The following NALCN variants were observed in gnomAD, a reference collection of about 807,000 sequenced individuals.
NALCN encodes sodium leak channel NALCN.
A neutral mutation model predicts 225.3 loss-of-function variants in NALCN; 111 were observed. The ratio of observed to expected loss-of-function variants is 0.49; its 90% confidence interval spans 0.42 to 0.58. The LOEUF (loss-of-function observed/expected upper bound fraction) is 0.58, where lower values mean the gene tolerates loss of function less well. NALCN is among the 20% of genes least tolerant of loss of function. NALCN has a pLI of 0.00. For missense variants in NALCN, 1,378 were observed against 2,202.4 expected, an observed-to-expected ratio of 0.63 and a Z score of 7.49; for synonymous variants, 764 against 769.0, an observed-to-expected ratio of 0.99 and a Z score of 0.11.
intron 17 of NALCN, among the ~76,000 whole-genome samples, chr13:101,136,072 AT>A (rs1382011494): frequency 1.3e-5 from 2 of 152,240 alleles, no homozygotes. Context: ...TGCAAAAATA[AT>A]CATTGAGAGG....
chr13:101,280,268 G>C (rs2043122938), intron 10 of NALCN, among the ~76,000 whole-genome samples: 1 of 152,090 alleles, frequency 6.6e-6, no homozygotes, highest in African/African-American at 2.4e-5. Context: ...TGAATTACCT[G>C]ACCCCTTTCC....
At chr13:101,313,209 G>A (rs992358574) in intron 7 of NALCN, among the ~76,000 whole-genome samples, 1 of 151,994 alleles carries the variant, frequency 6.6e-6, no homozygotes, top group African/African-American at 2.4e-5. Context: ...TTACGTGTTA[G>A]ACCTAAAACC....
At position 101,057,684 on chromosome 13, in the gene NALCN, T is replaced by G. The variant is rs1182479646; in HGVS notation, c.5023+255A>C. On this transcript the variant is annotated intron_variant, in intron 43 of 43. Transcript: ENST00000251127. ...TTTCTCCCTCTTGCTGAATCTTGTC[T>G]TTTTCATAGGTGCTGGCTTCTCAAC... 6 of 482,944 alleles carry G rather than the reference T, an allele frequency of 1.2e-5. No individual in the cohort carries two copies. The Admixed American group carries it at 1.8e-4, about 14-fold the overall frequency. The allele number at this position is 482,944 out of a possible 1,614,324, so 29.9% of individuals were successfully genotyped here.
At chr13:101,261,653 T>G (rs2042431726) in intron 10 of NALCN, among the ~76,000 whole-genome samples, 1 of 152,236 alleles carries the variant, frequency 6.6e-6, no homozygotes, top group South Asian at 2.1e-4. Flanking sequence ...CACTGTTTGC[T>G]GTTGGCTTAT....
chr13:101,356,884 ATACACAAAT>A (rs1380502405), intron 6 of NALCN, among the ~76,000 whole-genome samples: 9 of 152,238 alleles, frequency 5.9e-5, no homozygotes, highest in Admixed American at 4.6e-4. Context: ...CTGGTTCAGC[ATACACAAAT>A]CAATAAACGT....
chr13:101,094,971 G>A (rs1225912819), intron 28 of NALCN, among the ~76,000 whole-genome samples: 5 of 152,196 alleles, frequency 3.3e-5, no homozygotes, highest in African/African-American at 1.2e-4. Context: ...GACACAGACT[G>A]AGAGATTCAC....
At chr13:101,120,470 CA>C (rs1422584508) in intron 18 of NALCN, among the ~76,000 whole-genome samples, 1 of 149,326 alleles carries the variant, frequency 6.7e-6, no homozygotes, top group Non-Finnish European at 1.5e-5. Context: ...AGTTGGTATT[CA>C]TTAGGATTTT....
intron 18 of NALCN, among the ~76,000 whole-genome samples, chr13:101,122,851 T>C (rs1030749350): frequency 3.3e-5 from 5 of 152,178 alleles, no homozygotes; most frequent in Non-Finnish European, 7.3e-5. Flanking sequence ...GTGGATAGCT[T>C]TGGGAAGGAA....
chr13:101,142,744 T>C (rs939709401), intron 17 of NALCN: 31 of 320,654 alleles, frequency 9.7e-5, no homozygotes, highest in Non-Finnish European at 7.3e-5. Flanking sequence ...CAGTTGTACT[T>C]GCAGGAGATG....
intron 13 of NALCN, among the ~76,000 whole-genome samples, chr13:101,193,755 C>T (rs1320121364): frequency 6.6e-6 from 1 of 152,102 alleles, no homozygotes; most frequent in African/African-American, 2.4e-5. Flanking sequence ...TTTCAGAACT[C>T]ATCATTGAGG....
At chr13:101,373,093 A>G (rs1353270200) in intron 6 of NALCN, 1 of 386,498 alleles carries the variant, frequency 2.6e-6, no homozygotes, top group Admixed American at 3.0e-5. Context: ...AAAATAGGTA[A>G]GCTCTTTGAA....
intron 11 of NALCN, among the ~76,000 whole-genome samples, chr13:101,241,801 C>A (rs1203906334): frequency 7.9e-5 from 3 of 37,864 alleles, no homozygotes; most frequent in African/African-American, 1.8e-4. Flanking sequence ...CCCATCCTTT[C>A]CCTCTGAGGG....
rs778090983 is a variant in NALCN, at chr13:101,104,264, T to A, written c.2889+31A>T. 6.4e-7 allele frequency: 1 copy of A among 1,568,316 alleles called. No homozygotes were observed. Among genetic ancestry groups the A allele is most frequent in the South Asian group, 1.2e-5 (1 of 82,396 alleles). On this transcript the variant is annotated intron_variant, in intron 25 of 43. Coordinates refer to ENST00000251127, the MANE Select transcript of NALCN (RefSeq NM_052867.4). This position sits in a 1 kb window ranked among gnomAD's most constrained non-coding sequence, Gnocchi z 4.2. ...CAGGAGATTTTACAAAACCATTACATTTTTCATTTAGGCAATAAGCAAAGA... is the reference window on the plus strand; with the variant it reads ...CAGGAGATTTTACAAAACCATTACAATTTTCATTTAGGCAATAAGCAAAGA...
chr13:101,083,912 G>T, intron 30 of NALCN, 108 bp from the exon 31 acceptor site: 1 of 948,092 alleles, frequency 1.1e-6, no homozygotes, highest in South Asian at 2.1e-5. Flanking sequence ...GGCTTGCACT[G>T]ACCATGTTCT....
intron 1 of NALCN, among the ~76,000 whole-genome samples, chr13:101,410,338 G>A (rs927711722): frequency 6.6e-6 from 1 of 152,174 alleles, no homozygotes; most frequent in African/African-American, 2.4e-5. Context: ...GCTCAGAAGA[G>A]AACACTTAGA....
rs149981230 is a variant in NALCN, at chr13:101,273,619, C to T, written c.1134+10314G>A. Among the ~76,000 whole-genome samples, 527 of 152,220 alleles carry T rather than the reference C, an allele frequency of 3.5e-3. 2 individuals are homozygous for T. Among genetic ancestry groups the T allele is most frequent in the African/African-American group, 0.011 (469 of 41,544 alleles). Reference sequence around the variant, plus strand: ...AAACACTCAGAATTCCTGAACATCACTTAGAAAAATCAACAGATAAATGGG... The same window carrying T: ...AAACACTCAGAATTCCTGAACATCATTTAGAAAAATCAACAGATAAATGGG... On this transcript the variant is annotated intron_variant, in intron 10 of 43. Transcript: ENST00000251127.
At chr13:101,209,258 A>G (rs1457487529) in intron 13 of NALCN, among the ~76,000 whole-genome samples, 1 of 152,204 alleles carries the variant, frequency 6.6e-6, no homozygotes, top group Non-Finnish European at 1.5e-5. Flanking sequence ...TATAGTAACC[A>G]TTAAGATTAA....
intron 3 of NALCN, among the ~76,000 whole-genome samples, chr13:101,386,682 T>C (rs1376162494): frequency 6.6e-6 from 1 of 152,122 alleles, no homozygotes; most frequent in African/African-American, 2.4e-5. Context: ...TTTGACACGT[T>C]TGTTTTGAAA....
chr13:101,163,113 G>A (rs1178072844), intron 15 of NALCN, among the ~76,000 whole-genome samples: 1 of 152,082 alleles, frequency 6.6e-6, no homozygotes, highest in Non-Finnish European at 1.5e-5. Context: ...ATATTGGCCA[G>A]GCTAGTCTCA....
Sources: gnomAD v4.1 joint callset for allele counts (sites outside exome capture counted in the v4.1 genomes callset) on GRCh38, gnomAD v4.1.1 for gene constraint, Gnocchi (gnomAD v3.1) non-coding constraint, MANE v1.5 for transcripts, NCBI Gene and HGNC (gene_info 2026-07-23, HGNC 2026-07-21) for gene names.